The following GALNT2 variants were observed in gnomAD, a reference collection of about 807,000 sequenced individuals.
GALNT2 encodes the protein polypeptide N-acetylgalactosaminyltransferase 2.
GALNT2 carries 31 observed loss-of-function variants against 81.4 expected under a neutral mutation model. The ratio of observed to expected loss-of-function variants is 0.38; its 90% confidence interval spans 0.29 to 0.51. The LOEUF is 0.51. GALNT2 is among the 20% of genes least tolerant of loss of function. The pLI, the probability that GALNT2 is intolerant of heterozygous loss-of-function variation, is 0.87. For synonymous variants in GALNT2, 303 were observed against 287.4 expected (o/e 1.05, Z -0.55); for missense variants, 629 against 765.7 (o/e 0.82, Z 2.11).
At chr1:230,162,539 T>A (rs2103827) in intron 1 of GALNT2, among the ~76,000 whole-genome samples, 130,341 of 152,174 alleles carry the variant, frequency 0.86, 55,899 homozygotes, top group East Asian at 0.96. Flanking sequence ...AGAAGCTAGA[T>A]TCCCTCCATA....
intron 2 of GALNT2, among the ~76,000 whole-genome samples, chr1:230,192,063 G>A (rs1663544496): frequency 6.6e-6 from 1 of 152,256 alleles, no homozygotes; most frequent in Non-Finnish European, 1.5e-5. Flanking sequence ...CAGAGACTCA[G>A]TCACTCCAGG....
intron 2 of GALNT2, among the ~76,000 whole-genome samples, chr1:230,185,550 T>C (rs1663307266): frequency 6.6e-6 from 1 of 151,640 alleles, no homozygotes; most frequent in Non-Finnish European, 1.5e-5. Context: ...CCTTAGGTGA[T>C]ACTAAAGTCT....
In GALNT2 at chr1:230,243,433, A is replaced by G. The variant is rs1665263214; in HGVS notation, c.729+6A>G. On this transcript the variant is annotated splice_donor_region_variant and intron_variant, in intron 7 of 15. Coordinates refer to ENST00000366672, the MANE Select transcript of GALNT2 (RefSeq NM_004481.5). The surrounding 1 kb of genome is among the most constrained non-coding windows in gnomAD (Gnocchi z 4.2). The stretch of plus-strand genomic sequence containing the variant: ...TCCTGGAAAGGGTGGCGGAGGTGAG[A>G]TGACGGGGGCTGGGAGGGGTGTCAG... The G allele has an allele frequency of 1.2e-6, 2 of 1,610,328 alleles. No homozygotes were observed. The highest frequency in any genetic ancestry group is 1.7e-6 in the Non-Finnish European group (2 of 1,179,630).
chr1:230,120,155 C>A (rs1558093160), intron 1 of GALNT2, among the ~76,000 whole-genome samples: 1 of 94,318 alleles, frequency 1.1e-5, no homozygotes, highest in African/African-American at 4.2e-5. Context: ...CTCTTGCATG[C>A]GTTGGGGGTG....
At chr1:230,196,041 T>C (rs748592303) in intron 2 of GALNT2, among the ~76,000 whole-genome samples, 1 of 152,188 alleles carries the variant, frequency 6.6e-6, no homozygotes, top group Non-Finnish European at 1.5e-5. Context: ...CAGAGGCACA[T>C]TCCTGGAGTG....
At chr1:230,164,121 C>T (rs1228704256) in intron 1 of GALNT2, among the ~76,000 whole-genome samples, 1 of 152,166 alleles carries the variant, frequency 6.6e-6, no homozygotes, top group Non-Finnish European at 1.5e-5. Context: ...TAACTGCAAT[C>T]GCACACGTGT....
intron 14 of GALNT2, among the ~76,000 whole-genome samples, chr1:230,272,599 G>A (rs1666185018): frequency 6.6e-6 from 1 of 152,152 alleles, no homozygotes; most frequent in Non-Finnish European, 1.5e-5. Flanking sequence ...TAGGGGAGGA[G>A]GAAGTCTTCA....
At position 230,083,093 on chromosome 1, in the gene GALNT2, GGGATGATGGAGCAGGGAGCCA is replaced by G. The variant is rs1475221612; in HGVS notation, c.126+15708_126+15728del. Reference sequence around the variant, plus strand: ...GCCGGGATGATGGAGCAGGGAAGCCGGGATGATGGAGCAGGGAGCCAGGATGATGGAGCAGGGAGCCTAGAT... The same window carrying G: ...GCCGGGATGATGGAGCAGGGAAGCCGGGATGATGGAGCAGGGAGCCTAGAT... On this transcript the variant is annotated intron_variant, in intron 1 of 15. Transcript: ENST00000366672. 5.5e-3 allele frequency among the ~76,000 whole-genome samples: 829 copies of G among 149,736 alleles called. 6 individuals carry two copies. The highest frequency in any genetic ancestry group is 0.019 in the African/African-American group (753 of 40,522).
intron 1 of GALNT2, among the ~76,000 whole-genome samples, chr1:230,058,744 G>A (rs1448990005): frequency 6.6e-6 from 1 of 152,182 alleles, no homozygotes; most frequent in African/African-American, 2.4e-5. Flanking sequence ...CACAATTCAA[G>A]CCAAGCAATT....
intron 1 of GALNT2, among the ~76,000 whole-genome samples, chr1:230,129,882 G>C (rs182959336): frequency 2.0e-5 from 3 of 152,352 alleles, no homozygotes; most frequent in African/African-American, 7.2e-5. Context: ...AAGGACCACA[G>C]GTTGTCCCCA....
At chr1:230,083,066 A>C (rs1571940319) in intron 1 of GALNT2, among the ~76,000 whole-genome samples, 1 of 143,800 alleles carries the variant, frequency 7.0e-6, no homozygotes. Flanking sequence ...TGGAGCAGGG[A>C]AGCCGGGATG....
intron 1 of GALNT2, among the ~76,000 whole-genome samples, chr1:230,117,862 T>TA (rs1466453179): frequency 8.5e-5 from 13 of 152,132 alleles, no homozygotes; most frequent in Admixed American, 1.3e-4. Flanking sequence ...CTTCAGTTTG[T>TA]AAAAAACACA....
chr1:230,067,382 C>T lies in GALNT2; in HGVS notation c.102C>T (p.Gly34=). 4 of 1,282,004 alleles carry T rather than the reference C, an allele frequency of 3.1e-6. No homozygotes were observed. Among genetic ancestry groups the T allele is most frequent in the Non-Finnish European group, 4.0e-6 (4 of 1,008,380 alleles). 79.4% of individuals were successfully genotyped at this position (1,282,004 alleles called of 1,614,324 possible). The part of the protein sequence containing the change: ...YSGGGSALAG[G]AGGGAGRKED... The stretch of plus-strand genomic sequence containing the variant: ...GGGGCGGCTCTGCGCTGGCCGGGGG[C>T]GCGGGCGGCGGCGCCGGCAGGAAGG... Residue 34 remains glycine, a synonymous_variant, in exon 1 of 16, where the codon GGC becomes GGT. Coordinates refer to ENST00000366672, the MANE Select transcript of GALNT2 (RefSeq NM_004481.5).
intron 3 of GALNT2, among the ~76,000 whole-genome samples, chr1:230,214,310 C>T (rs895142711): frequency 6.6e-6 from 1 of 152,124 alleles, no homozygotes; most frequent in Non-Finnish European, 1.5e-5. Context: ...CTAGGCTTCA[C>T]CATGTTGGCC....
intron 1 of GALNT2, among the ~76,000 whole-genome samples, chr1:230,162,859 A>G (rs1572036234): frequency 1.3e-5 from 2 of 152,110 alleles, no homozygotes; most frequent in East Asian, 3.9e-4. Context: ...GGAACCTACC[A>G]TTTTTGTCCA....
At chr1:230,066,767 G>A (rs370110987), upstream of GALNT2, among the ~76,000 whole-genome samples, 41 of 152,320 alleles carry the variant, frequency 2.7e-4, no homozygotes, top group African/African-American at 9.6e-4. Context: ...TACCGCCCCC[G>A]TAATCGAGAG....
intron 14 of GALNT2, among the ~76,000 whole-genome samples, chr1:230,269,740 A>C (rs938002802): frequency 9.2e-5 from 14 of 152,006 alleles, no homozygotes; most frequent in Admixed American, 2.6e-4. Flanking sequence ...ACAAAAAAAA[A>C]AAAAAGATTA....
chr1:230,120,425 C>A (rs748023776), intron 1 of GALNT2, among the ~76,000 whole-genome samples: 1 of 152,172 alleles, frequency 6.6e-6, no homozygotes, highest in Non-Finnish European at 1.5e-5. Flanking sequence ...GGGCAGTCCC[C>A]GCCAAGGGTG....
chr1:230,066,880 G>C (rs1659196935), upstream of GALNT2, among the ~76,000 whole-genome samples: 1 of 151,564 alleles, frequency 6.6e-6, no homozygotes, highest in Non-Finnish European at 1.5e-5. Context: ...CGGCCGGCGG[G>C]GGGAGCACGC....
Sources: allele counts gnomAD v4.1 joint callset (sites outside exome capture counted in the v4.1 genomes callset), GRCh38; gene constraint gnomAD v4.1.1; non-coding constraint Gnocchi (gnomAD v3.1); transcripts MANE v1.5; gene names NCBI Gene and HGNC (gene_info 2026-07-23, HGNC 2026-07-21).